Variants in RASSF2 observed in about 807,000 individuals in gnomAD.
The protein encoded by RASSF2 is Ras association domain family member 2.
A neutral mutation model predicts 46.3 loss-of-function variants in RASSF2; 34 were observed. The ratio of observed to expected loss-of-function variants is 0.73; its 90% CI spans 0.56 to 0.98. The LOEUF (loss-of-function observed/expected upper bound fraction) is 0.98, where lower values mean the gene tolerates loss of function less well. RASSF2 is among the 50% of genes least tolerant of loss of function. The pLI, the probability that RASSF2 is intolerant of heterozygous loss-of-function variation, is 0.00. For synonymous variants in RASSF2, 158 were observed against 162.5 expected (o/e 0.97, Z 0.21); for missense variants, 364 against 431.2 (o/e 0.84, Z 1.38).
At chr20:4,808,486 C>T (rs1451770233) in intron 2 of RASSF2, among the ~76,000 whole-genome samples, 6 of 131,632 alleles carry the variant, frequency 4.6e-5, no homozygotes, top group Middle Eastern at 3.9e-3. Flanking sequence ...TTACACAAAT[C>T]TTTTTTTTTT....
intron 2 of RASSF2, among the ~76,000 whole-genome samples, chr20:4,802,643 G>A (rs1309722612): frequency 1.3e-5 from 2 of 152,016 alleles, no homozygotes; most frequent in African/African-American, 4.8e-5. Context: ...TTTATAGAAT[G>A]GTGATTCTTC....
rs184008351 is a variant in RASSF2 at position 4,818,494 on chromosome 20, T to G, written c.-33+3835A>C. 5.3e-5 allele frequency among the ~76,000 whole-genome samples: 8 copies of G among 152,318 alleles called. No homozygotes were observed. In the East Asian group the frequency reaches 1.5e-3, roughly 29 times the overall value. On this transcript the variant is annotated intron_variant, in intron 2 of 11. Coordinates refer to ENST00000379400, the MANE Select transcript of RASSF2 (RefSeq NM_014737.3). Reference sequence around the variant, plus strand: ...GATGTGTGCTGGGGCCAGATCCTACTGGCTCCCAAGTGCCAATGGCGCACA... The same window carrying G: ...GATGTGTGCTGGGGCCAGATCCTACGGGCTCCCAAGTGCCAATGGCGCACA...
chr20:4,814,399 G>GACTTC (rs1304492377), intron 2 of RASSF2, among the ~76,000 whole-genome samples: 1 of 152,166 alleles, frequency 6.6e-6, no homozygotes, highest in African/African-American at 2.4e-5. Context: ...ACTCATCTCT[G>GACTTC]ACTTCACATC....
chr20:4,822,590 G>C (rs1928773086), intron 1 of RASSF2, among the ~76,000 whole-genome samples, 187 bp from the exon 2 acceptor site: 1 of 152,232 alleles, frequency 6.6e-6, no homozygotes, highest in Admixed American at 6.5e-5. Context: ...AGAGCTGAAT[G>C]CAAAGTAAGC....
rs1368798059 is a variant in RASSF2 at position 4,783,133 on chromosome 20, T to A, written c.*1140A>T. 1.3e-5 allele frequency: 2 copies of A among 152,246 alleles called. No individual in the cohort carries two copies. Among genetic ancestry groups the A allele is most frequent in the Non-Finnish European group, 2.9e-5 (2 of 68,054 alleles). The allele number at this position is 152,246 out of a possible 1,614,324, so 9.4% of individuals were successfully genotyped here. Reference sequence around the variant, plus strand: ...CACTCAGTAGCAAGATGAGGCTTCATTCTTGGAATGCATCTCCACACACAA... The same window carrying A: ...CACTCAGTAGCAAGATGAGGCTTCAATCTTGGAATGCATCTCCACACACAA... On this transcript the variant is annotated 3_prime_UTR_variant, in exon 12 of 12. Transcript: ENST00000379400.
rs532908814 is a variant in RASSF2, at chr20:4,786,851, A to G, written c.814-523T>C. On this transcript the variant is annotated intron_variant, in intron 10 of 11. Coordinates refer to ENST00000379400, the MANE Select transcript of RASSF2 (RefSeq NM_014737.3). Reference sequence around the variant, plus strand: ...GTAATCCCGGCACTTTGGGAGGCTGAGGCGGGCGGATCACTTGAGGTCAAG... The same window carrying G: ...GTAATCCCGGCACTTTGGGAGGCTGGGGCGGGCGGATCACTTGAGGTCAAG... Among the ~76,000 whole-genome samples the G allele has an allele frequency of 2.0e-5, 3 of 152,204 alleles. No individual in the cohort carries two copies. In the East Asian group the frequency reaches 5.8e-4, roughly 30 times the overall value.
chr20:4,806,257 CCT>C (rs1307258880), intron 2 of RASSF2, among the ~76,000 whole-genome samples: 4 of 152,188 alleles, frequency 2.6e-5, no homozygotes. Flanking sequence ...CCCAGAGCAG[CCT>C]CTGTTAAACC....
At position 4,781,081 on chromosome 20, in the gene RASSF2, G is replaced by T. The variant is rs952327333; in HGVS notation, c.*3192C>A. 2.0e-5 allele frequency: 3 copies of T among 152,018 alleles called. No individual in the cohort carries two copies. Among genetic ancestry groups the T allele is most frequent in the African/African-American group, 7.2e-5 (3 of 41,392 alleles). The allele number at this position is 152,018 out of a possible 1,614,324, so 9.4% of individuals were successfully genotyped here. A position where few individuals can be genotyped will look rare whatever the true frequency, so the allele number is the denominator to read the frequency against. On this transcript the variant is annotated 3_prime_UTR_variant, in exon 12 of 12. Transcript: ENST00000379400. The stretch of plus-strand genomic sequence containing the variant: ...CATGGTTTTTGGTTGTTTTGTTGTT[G>T]GTGGTGGTTTCTTTAAAGAGAATTC...
intron 11 of RASSF2, 115 bp from the exon 12 acceptor site, chr20:4,784,457 G>T: frequency 1.1e-6 from 1 of 906,010 alleles, no homozygotes; most frequent in Non-Finnish European, 1.8e-6. Context: ...GCAGTCAAGT[G>T]CCCTGCTCCT....
intron 2 of RASSF2, among the ~76,000 whole-genome samples, chr20:4,814,774 C>T (rs1445075700): frequency 1.3e-5 from 2 of 152,206 alleles, no homozygotes; most frequent in African/African-American, 4.8e-5. Flanking sequence ...CAGACCCCTC[C>T]TAGTGCCAGG....
chr20:4,790,180 G>T lies in RASSF2; in HGVS notation c.537+271C>A, dbSNP rs536584790. 6.6e-6 allele frequency among the ~76,000 whole-genome samples: 1 copy of T among 152,200 alleles called. No homozygotes were observed. The highest frequency in any genetic ancestry group is 2.4e-5 in the African/African-American group (1 of 41,446). Reference sequence around the variant, plus strand: ...TGAGCTGCGTTTATGGGGTCTTCAAGGCTACAGCAGGGACTGCTTTGTACA... The same window carrying T: ...TGAGCTGCGTTTATGGGGTCTTCAATGCTACAGCAGGGACTGCTTTGTACA... On this transcript the variant is annotated intron_variant, in intron 7 of 11. Transcript: ENST00000379400. This position sits in a 1 kb window ranked among gnomAD's most constrained non-coding sequence, Gnocchi z 4.3.
chr20:4,811,667 T>A (rs906918113), intron 2 of RASSF2, among the ~76,000 whole-genome samples: 1 of 152,164 alleles, frequency 6.6e-6, no homozygotes, highest in Admixed American at 6.5e-5. Context: ...GTGTAGAGTG[T>A]CCCGCAGGGT....
chr20:4,823,057 G>T (rs1338636901), intron 1 of RASSF2, among the ~76,000 whole-genome samples: 1 of 152,212 alleles, frequency 6.6e-6, no homozygotes, highest in Non-Finnish European at 1.5e-5. Flanking sequence ...AAGGCAGGCC[G>T]GCTGGGGCTC....
At chr20:4,804,888 G>T (rs1217044488) in intron 2 of RASSF2, among the ~76,000 whole-genome samples, 1 of 152,122 alleles carries the variant, frequency 6.6e-6, no homozygotes, top group Non-Finnish European at 1.5e-5. Context: ...GTAGCAAACA[G>T]GAAGGACACC....
chr20:4,787,569 A>G, intron 10 of RASSF2, 64 bp downstream of exon 10: 1 of 1,604,774 alleles, frequency 6.2e-7, no homozygotes. Flanking sequence ...TACCCCAGTT[A>G]CAGGTGGTCC....
chr20:4,786,912 G>A (rs759198801), intron 10 of RASSF2, among the ~76,000 whole-genome samples: 2 of 151,952 alleles, frequency 1.3e-5, no homozygotes, highest in Admixed American at 6.6e-5. Context: ...GTGAAACCCC[G>A]TCTCTACTAA....
At chr20:4,789,863 G>T (rs1925717918) in intron 7 of RASSF2, among the ~76,000 whole-genome samples, 166 bp from the exon 8 acceptor site, 1 of 152,162 alleles carries the variant, frequency 6.6e-6, no homozygotes. Flanking sequence ...AACCCTCGGG[G>T]TTTGCATAAT....
At chr20:4,819,344 C>A (rs1415321816) in intron 2 of RASSF2, among the ~76,000 whole-genome samples, 1 of 152,068 alleles carries the variant, frequency 6.6e-6, no homozygotes, top group Non-Finnish European at 1.5e-5. Flanking sequence ...GATCGTGAAA[C>A]AAGAATTCAA....
chr20:4,806,008 C>T (rs1206358269), intron 2 of RASSF2, among the ~76,000 whole-genome samples: 4 of 151,906 alleles, frequency 2.6e-5, no homozygotes, highest in African/African-American at 9.7e-5. Context: ...ATTCCTGGCA[C>T]GTGAAGTGAG....
Sources: gnomAD v4.1 joint callset for allele counts (sites outside exome capture counted in the v4.1 genomes callset) on GRCh38, gnomAD v4.1.1 for gene constraint, Gnocchi (gnomAD v3.1) non-coding constraint, MANE v1.5 for transcripts, NCBI Gene and HGNC (gene_info 2026-07-23, HGNC 2026-07-21) for gene names.